The following GABRG3 variants were observed in gnomAD, a reference collection of about 807,000 sequenced individuals.
The protein encoded by GABRG3 is gamma-aminobutyric acid type A receptor subunit gamma3.
In GABRG3, 25 loss-of-function variants were observed where a neutral mutation model predicts 48.8. That is an observed-to-expected ratio of 0.51 (90% CI 0.37 to 0.72). The LOEUF (loss-of-function observed/expected upper bound fraction) is 0.72. GABRG3 is among the 30% of genes least tolerant of loss of function. The pLI, the probability that GABRG3 is intolerant of heterozygous loss-of-function variation, is 0.00. For synonymous variants in GABRG3, 227 were observed against 217.6 expected (o/e 1.04, Z -0.38); for missense variants, 394 against 577.9 (o/e 0.68, Z 3.26).
intron 5 of GABRG3, among the ~76,000 whole-genome samples, chr15:27,403,901 ACT>A (rs1566825863): frequency 8.4e-6 from 1 of 119,358 alleles, no homozygotes; most frequent in Non-Finnish European, 1.6e-5. Context: ...ACAAAGCCAG[ACT>A]CAAAAAAAAA....
intron 5 of GABRG3, among the ~76,000 whole-genome samples, chr15:27,458,184 C>T (rs1042936057): frequency 1.3e-5 from 2 of 152,190 alleles, no homozygotes; most frequent in African/African-American, 4.8e-5. Flanking sequence ...ACCCGCAGAT[C>T]GTGATAAGTG....
intron 3 of GABRG3, among the ~76,000 whole-genome samples, chr15:27,110,793 C>T (rs1468665027): frequency 6.6e-6 from 1 of 152,160 alleles, no homozygotes; most frequent in Non-Finnish European, 1.5e-5. Context: ...CCCACCCCAA[C>T]CCATCCGTGG....
chr15:27,527,353 G>A (rs1236684846), intron 7 of GABRG3, 80 bp from the exon 8 acceptor site: 25 of 1,324,870 alleles, frequency 1.9e-5, no homozygotes, highest in Non-Finnish European at 2.4e-5. Context: ...CCGTGCTGGG[G>A]TGGAGGGATG....
At chr15:27,072,279 A>T (rs1474954919) in intron 3 of GABRG3, among the ~76,000 whole-genome samples, 1 of 152,194 alleles carries the variant, frequency 6.6e-6, no homozygotes, top group Non-Finnish European at 1.5e-5. Context: ...CCACTCGGTA[A>T]CATTGTGAGG....
chr15:27,537,126 A>T lies in GABRG3; in HGVS notation c.*4245A>T, dbSNP rs1311844888. ...AGAAATTTCATCTGCAATTTCTGTAAAAAAAAAAAAAAAAAAAAAGAATGG... is the reference window on the plus strand; with the variant it reads ...AGAAATTTCATCTGCAATTTCTGTATAAAAAAAAAAAAAAAAAAAGAATGG... On this transcript the variant is annotated 3_prime_UTR_variant, in exon 10 of 10. Coordinates refer to ENST00000615808, the MANE Select transcript of GABRG3 (RefSeq NM_033223.5). 9.0e-6 allele frequency: 1 copy of T among 110,578 alleles called. No individual in the cohort carries two copies. The highest frequency in any genetic ancestry group is 2.3e-4 in the East Asian group (1 of 4,406). 6.8% of individuals were successfully genotyped at this position (110,578 alleles called of 1,614,324 possible). A position where few individuals can be genotyped will look rare whatever the true frequency, so the allele number is the denominator to read the frequency against.
chr15:27,502,129 A>C (rs1189380701), intron 6 of GABRG3, among the ~76,000 whole-genome samples: 1 of 152,228 alleles, frequency 6.6e-6, no homozygotes, highest in Non-Finnish European at 1.5e-5. Flanking sequence ...GGCTTAGGTC[A>C]AAGAAGCTAA....
At chr15:26,994,031 T>G (rs2140649436) in intron 2 of GABRG3, among the ~76,000 whole-genome samples, 1 of 152,172 alleles carries the variant, frequency 6.6e-6, no homozygotes, top group South Asian at 2.1e-4. Flanking sequence ...TTCTGCTTTT[T>G]AGGTTTCCAT....
At chr15:27,313,161 G>A (rs1893054661) in intron 3 of GABRG3, among the ~76,000 whole-genome samples, 1 of 143,610 alleles carries the variant, frequency 7.0e-6, no homozygotes, top group South Asian at 2.2e-4. Context: ...AATGATAAAA[G>A]AGTCAATTCA....
In GABRG3 at chr15:27,315,328, G is replaced by A. The variant is rs563344731; in HGVS notation, c.271-11481G>A. Among the ~76,000 whole-genome samples the A allele has an allele frequency of 2.6e-5, 4 of 152,268 alleles. No homozygotes were observed. The South Asian group carries it at 8.3e-4, about 32-fold the overall frequency. On this transcript the variant is annotated intron_variant, in intron 3 of 9. Coordinates refer to ENST00000615808, the MANE Select transcript of GABRG3 (RefSeq NM_033223.5). ...CTAGATAAATCATAGGTTAAATAAT[G>A]TAATGCCTTTAGCAATCAGAGAAGC...
At chr15:27,071,726 T>C (rs2140734744) in intron 3 of GABRG3, among the ~76,000 whole-genome samples, 1 of 152,322 alleles carries the variant, frequency 6.6e-6, no homozygotes, top group South Asian at 2.1e-4. Flanking sequence ...TTTCTAGAGG[T>C]GTCAAAATTG....
At chr15:27,486,925 G>A (rs574586480) in intron 6 of GABRG3, among the ~76,000 whole-genome samples, 1 of 152,250 alleles carries the variant, frequency 6.6e-6, no homozygotes, top group Non-Finnish European at 1.5e-5. Context: ...ATGCTATAGT[G>A]AGATTTATAT....
rs535836013 is a variant in GABRG3 at position 27,079,490 on chromosome 15, G to C, written c.270+52669G>C. On this transcript the variant is annotated intron_variant, in intron 3 of 9. Coordinates refer to ENST00000615808, the MANE Select transcript of GABRG3 (RefSeq NM_033223.5). ...GAGTGAATTTAGAAGATGCCGTGTG[G>C]AGTGTGTGTGTTGGGAGTGGGTGAG... is the stretch of plus-strand genomic sequence containing the variant. Among the ~76,000 whole-genome samples the C allele has an allele frequency of 8.5e-5, 13 of 152,210 alleles. 2 individuals are homozygous for C. Among genetic ancestry groups the C allele is most frequent in the African/African-American group, 3.1e-4 (13 of 41,528 alleles).
chr15:27,213,661 G>A (rs548583144), intron 3 of GABRG3, among the ~76,000 whole-genome samples: 18 of 152,262 alleles, frequency 1.2e-4, no homozygotes, highest in Admixed American at 5.2e-4. Flanking sequence ...CCAAAACAGC[G>A]GCCTCCCATA....
intron 5 of GABRG3, among the ~76,000 whole-genome samples, chr15:27,449,875 T>C (rs181577675): frequency 1.3e-5 from 2 of 152,362 alleles, no homozygotes; most frequent in East Asian, 1.9e-4. Flanking sequence ...TGCTGCACTC[T>C]CTCAGTAGAA....
rs768684484 is a variant in GABRG3 at position 27,519,870 on chromosome 15, T to TG, written c.713-102_713-101insG. 6.9e-5 allele frequency: 58 copies of TG among 844,586 alleles called. No homozygotes were observed. The Middle Eastern group carries it at 2.1e-3, about 30-fold the overall frequency. 52.3% of individuals were successfully genotyped at this position (844,586 alleles called of 1,614,324 possible). On this transcript the variant is annotated intron_variant, in intron 6 of 9. Transcript: ENST00000615808. ...TTTGATATTGTTGTAGTTGTGCATTTTTATCCAAGTCATTCACTTAACAAA... is the reference window on the plus strand; with the variant it reads ...TTTGATATTGTTGTAGTTGTGCATTTGTTATCCAAGTCATTCACTTAACAAA...
At chr15:27,289,344 A>T (rs1283424580) in intron 3 of GABRG3, among the ~76,000 whole-genome samples, 1 of 150,818 alleles carries the variant, frequency 6.6e-6, no homozygotes, top group African/African-American at 2.5e-5. Flanking sequence ...GTATATTTTT[A>T]TTTTTATTTT....
At chr15:27,464,905 C>A (rs936234903) in intron 5 of GABRG3, among the ~76,000 whole-genome samples, 1 of 152,108 alleles carries the variant, frequency 6.6e-6, no homozygotes, top group African/African-American at 2.4e-5. Flanking sequence ...CATTCTGTGC[C>A]AGCACTCTTT....
intron 6 of GABRG3, among the ~76,000 whole-genome samples, chr15:27,488,879 A>T (rs1890280020): frequency 6.6e-6 from 1 of 152,156 alleles, no homozygotes; most frequent in Non-Finnish European, 1.5e-5. Flanking sequence ...AAGGGACTTT[A>T]AAAAATTTTT....
intron 6 of GABRG3, among the ~76,000 whole-genome samples, chr15:27,489,771 G>A (rs1354436708): frequency 1.3e-5 from 2 of 152,140 alleles, no homozygotes; most frequent in East Asian, 3.9e-4. Context: ...CTGGATATTA[G>A]CCCTCTGTCA....
Sources: gnomAD v4.1 joint callset for allele counts (sites outside exome capture counted in the v4.1 genomes callset) on GRCh38, gnomAD v4.1.1 for gene constraint, MANE v1.5 for transcripts, NCBI Gene and HGNC (gene_info 2026-07-23, HGNC 2026-07-21) for gene names.